Variants in MRO observed in about 807,000 individuals in gnomAD.
The protein encoded by MRO is maestro, also known as protein maestro.
Under a neutral mutation model 31.0 loss-of-function variants are expected in MRO, and 28 were observed. The ratio of observed to expected loss-of-function variants is 0.90; its 90% CI spans 0.67 to 1.24. The LOEUF is 1.24. MRO is among the 50% of genes most tolerant of loss of function. The probability of loss-of-function intolerance (pLI) is 0.00; values close to 1 mark genes in which losing one functional copy is unlikely to be tolerated. For missense variants in MRO, 332 were observed against 289.2 expected (o/e 1.15, Z -1.07); for synonymous variants, 108 against 108.4 (o/e 1.00, Z 0.02).
intron 2 of MRO, among the ~76,000 whole-genome samples, chr18:50,812,901 A>G (rs1409125120): frequency 6.6e-6 from 1 of 152,168 alleles, no homozygotes; most frequent in African/African-American, 2.4e-5. Flanking sequence ...TTTAAAGCCC[A>G]CCAAGTAATT....
intron 2 of MRO, chr18:50,814,558 G>A (rs1030235680): frequency 3.9e-5 from 8 of 205,770 alleles, no homozygotes; most frequent in Admixed American, 8.5e-5. Context: ...CCTTGGTTTT[G>A]TGACTTACGC....
At chr18:50,813,325 C>T (rs1341003396) in intron 2 of MRO, among the ~76,000 whole-genome samples, 1 of 152,242 alleles carries the variant, frequency 6.6e-6, no homozygotes, top group Non-Finnish European at 1.5e-5. Flanking sequence ...ACTGCACCCC[C>T]ACCAATTAGC....
chr18:50,806,512 A>C (rs1913946725), intron 4 of MRO, among the ~76,000 whole-genome samples, 192 bp downstream of exon 4: 1 of 152,186 alleles, frequency 6.6e-6, no homozygotes, highest in African/African-American at 2.4e-5. Context: ...GCTGAGCTGC[A>C]CCTGGACTCC....
At position 50,806,758 on chromosome 18, in the gene MRO, C is replaced by G; in HGVS notation, c.192G>C (p.Lys64Asn). The G allele has an allele frequency of 6.2e-7, 1 of 1,614,154 alleles. No homozygotes were observed. The highest frequency in any genetic ancestry group is 8.5e-7 in the Non-Finnish European group (1 of 1,180,036). Reference sequence around the variant, plus strand: ...CCAAGTTTCTCATTGCCATGTGACGCTTTTTAGCACTGGGGTCCCGAGCTC... The same window carrying G: ...CCAAGTTTCTCATTGCCATGTGACGGTTTTTAGCACTGGGGTCCCGAGCTC... ...AERARDPSAK[K>N]RHMAMRNLGT... Residue 64 changes from lysine (K) to asparagine (N), a missense_variant, in exon 4 of 8, where the codon AAG becomes AAC. Physicochemically the swap from Lys to Asn is moderately conservative, Grantham distance 94. Coordinates refer to ENST00000398439, the MANE Select transcript of MRO (RefSeq NM_031939.6).
chr18:50,810,604 G>C (rs2144638238), intron 2 of MRO, among the ~76,000 whole-genome samples: 1 of 152,266 alleles, frequency 6.6e-6, no homozygotes, highest in African/African-American at 2.4e-5. Context: ...ATTTTACCAT[G>C]CGCATGTATT....
At position 50,806,699 on chromosome 18, in the gene MRO, C is replaced by T. The variant is rs1913971172; in HGVS notation, c.246+5G>A. 2 of 1,614,098 alleles carry T rather than the reference C, an allele frequency of 1.2e-6. No individual in the cohort carries two copies. The highest frequency in any genetic ancestry group is 1.7e-6 in the Non-Finnish European group (2 of 1,180,020). On this transcript the variant is annotated splice_donor_5th_base_variant and intron_variant, in intron 4 of 7. Transcript: ENST00000398439. ...AGCTGGCTGAGCCCCACTCTCCTTC[C>T]CTACCTTGTCAGGGGCTTCATAGGC...
chr18:50,818,025 C>T (rs1393560627), intron 2 of MRO, among the ~76,000 whole-genome samples: 2 of 139,136 alleles, frequency 1.4e-5, no homozygotes, highest in East Asian at 2.3e-4. Context: ...TTCCTGCCTG[C>T]AGTGCCTCCC....
Position 50,819,636 on chromosome 18 carries a change from G to T in MRO, c.-60C>A, listed in dbSNP as rs1915212419. ...TGAACCGGAGCCCGTTCCTGACTCG[G>T]GAGGGCTGCTTTCCCGGGTAGTAGC... is the stretch of plus-strand genomic sequence containing the variant. On this transcript the variant is annotated 5_prime_UTR_variant, in exon 2 of 8. Transcript: ENST00000398439. The T allele has an allele frequency of 6.4e-7, 1 of 1,551,496 alleles. No individual in the cohort carries two copies. Among genetic ancestry groups the T allele is most frequent in the Non-Finnish European group, 8.7e-7 (1 of 1,146,980 alleles).
rs1915236586 is a variant in MRO at position 50,819,921 on chromosome 18, G to A, written c.-151C>T. 6.4e-7 allele frequency: 1 copy of A among 1,551,702 alleles called. No individual in the cohort carries two copies. Among genetic ancestry groups the A allele is most frequent in the Non-Finnish European group, 8.7e-7 (1 of 1,146,956 alleles). Reference sequence around the variant, plus strand: ...CCTTTGCTTCCCCACGCCATGCTGAGGTGTTTTTCCTTCTCCTTGCTGTGA... The same window carrying A: ...CCTTTGCTTCCCCACGCCATGCTGAAGTGTTTTTCCTTCTCCTTGCTGTGA... On this transcript the variant is annotated 5_prime_UTR_variant, in exon 1 of 8. Transcript: ENST00000398439.
rs944994378 is a variant in MRO at position 50,797,093 on chromosome 18, A to T, written c.*2244T>A. ...AATGACTTAAAACAACAATCATTTGATTCTTTGTTCATGCTTCTGCAACTG... is the reference window on the plus strand; with the variant it reads ...AATGACTTAAAACAACAATCATTTGTTTCTTTGTTCATGCTTCTGCAACTG... On this transcript the variant is annotated 3_prime_UTR_variant, in exon 8 of 8. Transcript: ENST00000398439. 1.3e-5 allele frequency: 2 copies of T among 152,184 alleles called. No homozygotes were observed. The highest frequency in any genetic ancestry group is 4.8e-5 in the African/African-American group (2 of 41,432). 9.4% of individuals were successfully genotyped at this position (152,184 alleles called of 1,614,324 possible).
rs1014521795 is a variant in MRO, at chr18:50,798,936, A to C, written c.*401T>G. 3 of 155,180 alleles carry C rather than the reference A, an allele frequency of 1.9e-5. No individual in the cohort carries two copies. The highest frequency in any genetic ancestry group is 7.2e-5 in the African/African-American group (3 of 41,438). 9.6% of individuals were successfully genotyped at this position (155,180 alleles called of 1,614,324 possible). On this transcript the variant is annotated 3_prime_UTR_variant, in exon 8 of 8. Coordinates refer to ENST00000398439, the MANE Select transcript of MRO (RefSeq NM_031939.6). ...AAAAAAACAAAACAACAACAACAAAAAAACAAAAAAACGCTTAAGGTAACA... is the reference window on the plus strand; with the variant it reads ...AAAAAAACAAAACAACAACAACAAACAAACAAAAAAACGCTTAAGGTAACA...
chr18:50,816,998 C>A (rs1914979007), intron 2 of MRO, among the ~76,000 whole-genome samples: 1 of 152,154 alleles, frequency 6.6e-6, no homozygotes. Flanking sequence ...CTTTAGCCAG[C>A]CAAGGCAACT....
intron 2 of MRO, 121 bp downstream of exon 2, chr18:50,819,460 C>T: frequency 1.4e-6 from 2 of 1,457,814 alleles, no homozygotes; most frequent in Non-Finnish European, 1.8e-6. Flanking sequence ...AATCCTACCC[C>T]CTAGAGGTCG....
Position 50,801,494 on chromosome 18 carries a change from CTG to C in MRO, c.438_439del (p.Asp146GlufsTer30), listed in dbSNP as rs750107767. On this transcript the variant is annotated frameshift_variant, in exon 6 of 8. Transcript: ENST00000398439. LOFTEE classifies it high-confidence loss of function. ...CAAAACAAAGGCCGAGTATCTCAGA[CTG>C]TCGTTCTCCTGCGGTCCCCATCAAC... 3 of 1,594,488 alleles carry C rather than the reference CTG, an allele frequency of 1.9e-6. No individual in the cohort carries two copies. The Admixed American group carries it at 5.5e-5, about 29-fold the overall frequency.
chr18:50,799,409 G>A lies in MRO; in HGVS notation c.694-19C>T. 1 of 1,612,448 alleles carries A rather than the reference G, an allele frequency of 6.2e-7. No homozygotes were observed. Among genetic ancestry groups the A allele is most frequent in the Non-Finnish European group, 8.5e-7 (1 of 1,178,484 alleles). ...AGTGGCTCTGAAAGAAATTAGCAAAGGTACGCGTGAGGGCAGGATTCAACA... is the reference window on the plus strand; with the variant it reads ...AGTGGCTCTGAAAGAAATTAGCAAAAGTACGCGTGAGGGCAGGATTCAACA... On this transcript the variant is annotated intron_variant, in intron 7 of 7. Coordinates refer to ENST00000398439, the MANE Select transcript of MRO (RefSeq NM_031939.6).
intron 2 of MRO, among the ~76,000 whole-genome samples, chr18:50,817,053 C>T (rs919564860): frequency 1.3e-5 from 2 of 152,136 alleles, no homozygotes; most frequent in African/African-American, 4.8e-5. Context: ...CCTTCATAGG[C>T]GTAAGTAGAA....
Position 50,798,932 on chromosome 18 carries a change from C to CA in MRO, c.*404dup, listed in dbSNP as rs1255151400. The CA allele has an allele frequency of 1.7e-3, 259 of 152,410 alleles. No homozygotes were observed. Among genetic ancestry groups the CA allele is most frequent in the South Asian group, 0.016 (79 of 4,832 alleles). 9.4% of individuals were successfully genotyped at this position (152,410 alleles called of 1,614,324 possible). On this transcript the variant is annotated 3_prime_UTR_variant, in exon 8 of 8. Transcript: ENST00000398439. ...CTAAAAAAAAACAAAACAACAACAA[C>CA]AAAAAAACAAAAAAACGCTTAAGGT...
At chr18:50,815,480 CGTG>C (rs1278802297) in intron 2 of MRO, 19 of 292,586 alleles carry the variant, frequency 6.5e-5, no homozygotes, top group South Asian at 1.5e-4. Flanking sequence ...TAGAGGGGGC[CGTG>C]GTGGTGGTGG....
chr18:50,801,429 T>C lies in MRO; in HGVS notation c.505A>G (p.Lys169Glu), dbSNP rs780389673. ...TGCTTAACCTGACTGGTGAAAAATT[T>C]TTTCCATTTCCTCCCGGCAAAGGCA... ...LAAFAGRKWK[K>E]FFTSQVKQTR... The change falls in exon 6 of 8, where the codon AAA (lysine) becomes GAA (glutamate). Residue 169 changes from lysine to glutamate, a missense_variant. Lys to Glu is a moderately conservative substitution (Grantham distance 56). Transcript: ENST00000398439. 4.3e-6 allele frequency: 7 copies of C among 1,612,170 alleles called. No homozygotes were observed. Among genetic ancestry groups the C allele is most frequent in the Non-Finnish European group, 5.9e-6 (7 of 1,178,752 alleles).
Sources: allele counts gnomAD v4.1 joint callset (sites outside exome capture counted in the v4.1 genomes callset), GRCh38; gene constraint gnomAD v4.1.1; transcripts MANE v1.5; gene names NCBI Gene and HGNC (gene_info 2026-07-23, HGNC 2026-07-21).